Variants in XIRP2 observed in about 807,000 individuals in gnomAD.
XIRP2 encodes xin actin-binding repeat-containing protein 2.
XIRP2 carries 236 observed loss-of-function variants against 277.0 expected under a neutral mutation model. That is an observed-to-expected ratio of 0.85 (90% CI 0.77 to 0.95). The LOEUF is 0.95. Ranked by LOEUF, XIRP2 falls within the 40% of genes least tolerant of loss-of-function variation. The pLI is 0.00. For missense variants in XIRP2, 4,640 were observed against 4,157.5 expected (o/e 1.12, Z -3.19); for synonymous variants, 1,490 against 1,416.5 (o/e 1.05, Z -1.17).
At chr2:167,086,913 T>G (rs1312658249) in intron 2 of XIRP2, among the ~76,000 whole-genome samples, 1 of 152,164 alleles carries the variant, frequency 6.6e-6, no homozygotes. Context: ...TCAGAGTAAT[T>G]TGATCGTCTG....
At chr2:167,086,996 T>A (rs1389494711) in intron 2 of XIRP2, among the ~76,000 whole-genome samples, 1 of 152,022 alleles carries the variant, frequency 6.6e-6, no homozygotes, top group Non-Finnish European at 1.5e-5. Flanking sequence ...GGAACTGCGT[T>A]CCTTTGGAGG....
chr2:166,954,459 C>T (rs1164152645), intron 2 of XIRP2, among the ~76,000 whole-genome samples: 2 of 151,880 alleles, frequency 1.3e-5, no homozygotes, highest in African/African-American at 4.8e-5. Flanking sequence ...AACGCTTTTA[C>T]ACTGTTGGTG....
In XIRP2 at chr2:167,247,188, A is replaced by G. The variant is rs771272397; in HGVS notation, c.5796A>G (p.Ala1932=). ...LETSLRSLKE[A]QRSFKEVHKE... is the part of the protein sequence containing the mutation. ...CATCACTAAGGTCTTTGAAAGAAGC[A>G]CAAAGAAGTTTCAAAGAGGTACATA... The change falls in exon 9 of 11, where the codon GCA becomes GCG. Residue 1932 remains alanine (A), a synonymous_variant. Coordinates refer to ENST00000409195, the MANE Select transcript of XIRP2 (RefSeq NM_152381.6). 7.4e-6 allele frequency: 12 copies of G among 1,613,630 alleles called. No individual in the cohort carries two copies. Among genetic ancestry groups the G allele is most frequent in the Admixed American group, 1.7e-5 (1 of 59,944 alleles).
intron 2 of XIRP2, among the ~76,000 whole-genome samples, chr2:166,999,599 C>T (rs1275353910): frequency 6.6e-6 from 1 of 152,084 alleles, no homozygotes; most frequent in Non-Finnish European, 1.5e-5. Flanking sequence ...TTTTACAATT[C>T]ATTCAAGGGC....
In XIRP2 at chr2:167,245,441, C is replaced by T. The variant is rs781533903; in HGVS notation, c.4049C>T (p.Thr1350Ile). 24 of 1,613,432 alleles carry T rather than the reference C, an allele frequency of 1.5e-5. No homozygotes were observed. Among genetic ancestry groups the T allele is most frequent in the Non-Finnish European group, 1.4e-5 (17 of 1,179,716 alleles). ...EEVIHGDVRG[T>I]RWLFETKPLD... is the part of the protein sequence containing the mutation. Reference sequence around the variant, plus strand: ...GTAATTCATGGAGATGTGCGAGGAACAAGGTGGCTTTTTGAAACAAAGCCA... The same window carrying T: ...GTAATTCATGGAGATGTGCGAGGAATAAGGTGGCTTTTTGAAACAAAGCCA... The change falls in exon 9 of 11, where the codon ACA (threonine) becomes ATA (isoleucine). Residue 1350 changes from threonine to isoleucine, a missense_variant. Physicochemically the swap from Thr to Ile is moderately conservative, Grantham distance 89 (BLOSUM62 -1). Transcript: ENST00000409195.
intron 3 of XIRP2, among the ~76,000 whole-genome samples, chr2:167,185,311 AT>A (rs1693124185): frequency 1.3e-5 from 2 of 152,086 alleles, no homozygotes; most frequent in African/African-American, 4.8e-5. Flanking sequence ...TTTCCTGACC[AT>A]TTTTTGTTGG....
chr2:167,257,078 G>C (rs1286468485), intron 10 of XIRP2, among the ~76,000 whole-genome samples: 4 of 151,890 alleles, frequency 2.6e-5, no homozygotes, highest in African/African-American at 9.7e-5. Context: ...TGATTGGCAT[G>C]TGATACTTTC....
At chr2:167,171,968 G>T (rs1207726628) in intron 3 of XIRP2, among the ~76,000 whole-genome samples, 2 of 152,044 alleles carry the variant, frequency 1.3e-5, no homozygotes, top group Admixed American at 6.6e-5. Context: ...TATTTACGGG[G>T]TACATGAAAT....
intron 2 of XIRP2, among the ~76,000 whole-genome samples, chr2:167,011,799 G>A (rs1687686894): frequency 6.6e-6 from 1 of 151,984 alleles, no homozygotes; most frequent in Non-Finnish European, 1.5e-5. Flanking sequence ...GTTTAGTGTT[G>A]GGAGGGTGTA....
Position 167,243,674 on chromosome 2 carries a change from A to T in XIRP2, c.2282A>T (p.Asp761Val). 1.2e-6 allele frequency: 2 copies of T among 1,614,022 alleles called. No individual in the cohort carries two copies. The highest frequency in any genetic ancestry group is 1.7e-6 in the Non-Finnish European group (2 of 1,179,948). ...GAAATTAAAACTGTTCACAGAGAAG[A>T]CGTTGAAAAGGGAGATGTAAGAACA... ...MLEIKTVHRE[D>V]VEKGDVRTAR... Residue 761 changes from aspartate to valine, a missense_variant, in exon 9 of 11, where the codon GAC (aspartate) becomes GTC (valine). Transcript: ENST00000409195.
intron 3 of XIRP2, among the ~76,000 whole-genome samples, chr2:167,183,441 A>G (rs1423442755): frequency 6.6e-6 from 1 of 152,186 alleles, no homozygotes. Flanking sequence ...ATATTTAATA[A>G]AAAATATCCA....
intron 2 of XIRP2, among the ~76,000 whole-genome samples, chr2:167,020,595 A>G (rs1216531409): frequency 6.6e-6 from 1 of 151,964 alleles, no homozygotes; most frequent in East Asian, 1.9e-4. Context: ...TGTTCTACCC[A>G]GACAATTCTT....
chr2:167,072,674 T>G (rs895971835), intron 2 of XIRP2, among the ~76,000 whole-genome samples: 1 of 152,190 alleles, frequency 6.6e-6, no homozygotes, highest in Non-Finnish European at 1.5e-5. Context: ...TAGAGAAATA[T>G]TCAACAATGA....
chr2:167,098,935 AC>A (rs1207678626), intron 2 of XIRP2, among the ~76,000 whole-genome samples: 2 of 152,138 alleles, frequency 1.3e-5, no homozygotes, highest in Non-Finnish European at 2.9e-5. Flanking sequence ...CCAGAGAGGC[AC>A]CCACCAAATG....
chr2:167,127,887 G>A (rs557499620), intron 2 of XIRP2, among the ~76,000 whole-genome samples: 2 of 152,234 alleles, frequency 1.3e-5, no homozygotes, highest in African/African-American at 4.8e-5. Context: ...GTATATGCTT[G>A]TTGGGGTCCC....
chr2:167,238,567 A>C (rs1694965403), intron 5 of XIRP2, among the ~76,000 whole-genome samples: 1 of 152,118 alleles, frequency 6.6e-6, no homozygotes, highest in African/African-American at 2.4e-5. Flanking sequence ...TTTTATACCA[A>C]TTATTAGTTT....
At chr2:167,015,161 T>C (rs1375393485) in intron 2 of XIRP2, among the ~76,000 whole-genome samples, 1 of 151,888 alleles carries the variant, frequency 6.6e-6, no homozygotes, top group Non-Finnish European at 1.5e-5. Flanking sequence ...AAATTTAACA[T>C]AGATTTAAAT....
At position 167,250,742 on chromosome 2, in the gene XIRP2, G is replaced by A. The variant is rs1190499368; in HGVS notation, c.9350G>A (p.Arg3117His). 1.9e-6 allele frequency: 3 copies of A among 1,613,062 alleles called. No individual in the cohort carries two copies. Among genetic ancestry groups the A allele is most frequent in the Non-Finnish European group, 2.5e-6 (3 of 1,179,622 alleles). The change falls in exon 9 of 11, where the codon CGC becomes CAC. Residue 3117 changes from arginine (R) to histidine (H), a missense_variant. Coordinates refer to ENST00000409195, the MANE Select transcript of XIRP2 (RefSeq NM_152381.6). ...SNIPPPSLKT[R>H]PPSPTFITIE... ...ATTCCTCCTCCCTCTTTAAAAACAC[G>A]CCCACCGTCACCAACTTTTATCACA...
intron 2 of XIRP2, among the ~76,000 whole-genome samples, chr2:166,917,205 CTGA>C: frequency 6.6e-6 from 1 of 152,280 alleles, no homozygotes; most frequent in South Asian, 2.1e-4. Flanking sequence ...AGAGGTCCCA[CTGA>C]GAAGAGCCCT....
Sources: allele counts gnomAD v4.1 joint callset (sites outside exome capture counted in the v4.1 genomes callset), GRCh38; gene constraint gnomAD v4.1.1; transcripts MANE v1.5; gene names NCBI Gene and HGNC (gene_info 2026-07-23, HGNC 2026-07-21).